DLG2: variants seen among roughly 807,000 people sequenced by gnomAD.
The protein encoded by DLG2 is discs large MAGUK scaffold protein 2.
Under a neutral mutation model 132.5 loss-of-function variants are expected in DLG2, and 45 were observed. That is an observed-to-expected ratio of 0.34 (90% CI 0.27 to 0.44). The LOEUF is 0.44. Among genes scored for constraint, DLG2 ranks in the 20% least tolerant of loss-of-function variants. The probability of loss-of-function intolerance (pLI) is 1.00; values close to 1 mark genes in which losing one functional copy is unlikely to be tolerated. For synonymous variants in DLG2, 424 were observed against 419.6 expected, an observed-to-expected ratio of 1.01 and a Z score of -0.13; for missense variants, 1,045 against 1,196.9, an observed-to-expected ratio of 0.87 and a Z score of 1.87.
intron 4 of DLG2, among the ~76,000 whole-genome samples, chr11:85,264,321 G>T (rs1012936270): frequency 2.0e-5 from 3 of 152,304 alleles, no homozygotes; most frequent in African/African-American, 4.8e-5. Context: ...AGACTCAGGG[G>T]AAAAGAGGTA....
At chr11:85,003,927 G>A (rs895617212) in intron 6 of DLG2, among the ~76,000 whole-genome samples, 2 of 152,090 alleles carry the variant, frequency 1.3e-5, no homozygotes, top group African/African-American at 4.8e-5. Context: ...GTGTCCATGT[G>A]TTCTCATTGT....
At chr11:85,393,209 A>G (rs1386675146) in intron 3 of DLG2, among the ~76,000 whole-genome samples, 1 of 152,200 alleles carries the variant, frequency 6.6e-6, no homozygotes, top group Non-Finnish European at 1.5e-5. Flanking sequence ...ATGGCCAACA[A>G]ACATATGAAA....
At chr11:84,780,554 T>C (rs1233683036) in intron 6 of DLG2, among the ~76,000 whole-genome samples, 1 of 152,136 alleles carries the variant, frequency 6.6e-6, no homozygotes, top group Non-Finnish European at 1.5e-5. Context: ...CCTGAGTGGC[T>C]GTAACATTTT....
At chr11:84,362,663 C>T (rs1269425131) in intron 7 of DLG2, among the ~76,000 whole-genome samples, 1 of 152,074 alleles carries the variant, frequency 6.6e-6, no homozygotes, top group Non-Finnish European at 1.5e-5. Context: ...TCCCCACTCC[C>T]CCCACCTCAC....
chr11:85,091,893 C>T (rs940039933), intron 6 of DLG2, among the ~76,000 whole-genome samples: 67 of 152,078 alleles, frequency 4.4e-4, no homozygotes, highest in African/African-American at 1.6e-3. Context: ...TTCTTCCAAA[C>T]TTCTGTTAAT....
In DLG2 at chr11:85,078,287, T is replaced by C. The variant is rs574653520; in HGVS notation, c.357+33374A>G. ...TGTGTGTGGACTAGAGGAAGGGTAATATATAAGGTTATTGAGGAAGGCTCT... is the reference window on the plus strand; with the variant it reads ...TGTGTGTGGACTAGAGGAAGGGTAACATATAAGGTTATTGAGGAAGGCTCT... On this transcript the variant is annotated intron_variant, in intron 6 of 27. Transcript: ENST00000376104. Among the ~76,000 whole-genome samples the C allele has an allele frequency of 6.8e-4, 102 of 151,046 alleles. 1 individual carries two copies. The South Asian group carries it at 0.021, about 31-fold the overall frequency.
intron 7 of DLG2, among the ~76,000 whole-genome samples, chr11:84,445,327 T>C (rs993406016): frequency 6.6e-6 from 1 of 152,218 alleles, no homozygotes; most frequent in Non-Finnish European, 1.5e-5. Flanking sequence ...AAATCAATGA[T>C]GTTTAAACAT....
At chr11:85,156,997 G>A (rs2077635640) in intron 4 of DLG2, among the ~76,000 whole-genome samples, 1 of 152,170 alleles carries the variant, frequency 6.6e-6, no homozygotes, top group South Asian at 2.1e-4. Flanking sequence ...TTGAGTGAGT[G>A]GGATGGGAAA....
At chr11:83,587,605 C>T (rs1446855087) in intron 19 of DLG2, among the ~76,000 whole-genome samples, 3 of 152,136 alleles carry the variant, frequency 2.0e-5, no homozygotes, top group Non-Finnish European at 2.9e-5. Context: ...GAGAGAGTTT[C>T]TCTCTATAAT....
At chr11:83,845,120 G>T (rs1002848447) in intron 16 of DLG2, among the ~76,000 whole-genome samples, 1 of 151,904 alleles carries the variant, frequency 6.6e-6, no homozygotes. Context: ...CCCAAAAAGG[G>T]TCTATTACCC....
intron 8 of DLG2, among the ~76,000 whole-genome samples, chr11:84,168,527 A>G (rs577940558): frequency 6.6e-6 from 1 of 152,320 alleles, no homozygotes; most frequent in African/African-American, 2.4e-5. Flanking sequence ...AGGTGGGGCA[A>G]TGCCACTTTG....
intron 7 of DLG2, among the ~76,000 whole-genome samples, chr11:84,316,207 T>G (rs2098352931): frequency 6.6e-6 from 1 of 152,216 alleles, no homozygotes; most frequent in African/African-American, 2.4e-5. Flanking sequence ...TGATATAAAC[T>G]TATTGCTTCT....
chr11:85,349,631 A>G (rs1376532571), intron 3 of DLG2, among the ~76,000 whole-genome samples: 2 of 152,094 alleles, frequency 1.3e-5, no homozygotes, highest in African/African-American at 2.4e-5. Flanking sequence ...CTCATTGTTC[A>G]ATTCCCACCT....
intron 8 of DLG2, among the ~76,000 whole-genome samples, chr11:84,221,492 C>T (rs141733577): frequency 6.6e-6 from 1 of 151,944 alleles, no homozygotes; most frequent in African/African-American, 2.4e-5. Flanking sequence ...TATTAAGAAG[C>T]AGCTATTCTC....
At chr11:85,426,628 C>T (rs781435808) in intron 3 of DLG2, among the ~76,000 whole-genome samples, 1 of 152,108 alleles carries the variant, frequency 6.6e-6, no homozygotes, top group Non-Finnish European at 1.5e-5. Context: ...CCCATCTGTA[C>T]GTTACCATCA....
chr11:85,481,781 A>G (rs2093297670), intron 3 of DLG2, among the ~76,000 whole-genome samples: 1 of 151,918 alleles, frequency 6.6e-6, no homozygotes, highest in South Asian at 2.1e-4. Flanking sequence ...AGTCCTAGTC[A>G]TTGGGCCAGA....
intron 6 of DLG2, among the ~76,000 whole-genome samples, chr11:84,966,137 T>C (rs1371027188): frequency 1.3e-5 from 2 of 152,030 alleles, no homozygotes; most frequent in African/African-American, 2.4e-5. Context: ...TACTCTTCTT[T>C]CATCATAATT....
intron 6 of DLG2, among the ~76,000 whole-genome samples, chr11:84,942,077 T>C (rs2049512059): frequency 6.6e-6 from 1 of 152,180 alleles, no homozygotes; most frequent in Admixed American, 6.5e-5. Flanking sequence ...ACTTTGAACT[T>C]CGGTGGTATC....
intron 18 of DLG2, among the ~76,000 whole-genome samples, chr11:83,688,750 A>C (rs1413212010): frequency 6.6e-6 from 1 of 152,216 alleles, no homozygotes; most frequent in Non-Finnish European, 1.5e-5. Context: ...GAGAAAACTC[A>C]GAAGGAGAAA....
Sources: gnomAD v4.1 joint callset for allele counts (sites outside exome capture counted in the v4.1 genomes callset) on GRCh38, gnomAD v4.1.1 for gene constraint, MANE v1.5 for transcripts, NCBI Gene and HGNC (gene_info 2026-07-23, HGNC 2026-07-21) for gene names.